The following ITSN2 variants were observed in gnomAD, a reference collection of about 807,000 sequenced individuals.
The protein encoded by ITSN2 is intersectin-2.
ITSN2 carries 156 observed loss-of-function variants against 243.7 expected under a neutral mutation model. That is an observed-to-expected ratio of 0.64 (90% confidence interval 0.56 to 0.73). The LOEUF is 0.73. ITSN2 is among the 30% of genes least tolerant of loss of function. The probability of loss-of-function intolerance (pLI) is 0.00; values close to 1 mark genes in which losing one functional copy is unlikely to be tolerated. For missense variants in ITSN2, 1,801 were observed against 1,996.1 expected, an observed-to-expected ratio of 0.90 and a Z score of 1.86; for synonymous variants, 703 against 699.9, an observed-to-expected ratio of 1.00 and a Z score of -0.07.
At chr2:24,213,959 T>A (rs1041249697) in intron 32 of ITSN2, among the ~76,000 whole-genome samples, 5 of 152,256 alleles carry the variant, frequency 3.3e-5, no homozygotes, top group African/African-American at 1.2e-4. Context: ...CTAATAGTAA[T>A]GTGTTGGTCT....
At chr2:24,306,764 T>C (rs1353126116) in intron 8 of ITSN2, among the ~76,000 whole-genome samples, 1 of 152,102 alleles carries the variant, frequency 6.6e-6, no homozygotes, top group Admixed American at 6.5e-5. Flanking sequence ...TCCTCCCAAG[T>C]AGTTGGGACT....
chr2:24,216,434 C>A (rs1669959635), intron 31 of ITSN2: 1 of 429,016 alleles, frequency 2.3e-6, no homozygotes, highest in Non-Finnish European at 4.1e-6. Context: ...GTGATGTCAG[C>A]AAAGAAAAAA....
chr2:24,351,561 A>C (rs772186182), intron 1 of ITSN2, among the ~76,000 whole-genome samples: 25 of 152,204 alleles, frequency 1.6e-4, no homozygotes, highest in Non-Finnish European at 3.1e-4. Flanking sequence ...CTGAAGTTTC[A>C]GTTACCTGTG....
At chr2:24,337,315 A>AATATATATATATATACATATAT (rs70944741) in intron 1 of ITSN2, among the ~76,000 whole-genome samples, 1,723 of 31,876 alleles carry the variant, frequency 0.054, 522 homozygotes, top group Non-Finnish European at 0.07. Context: ...GTATACACAA[A>AATATATATATATATACATATAT]ATATATATAT....
chr2:24,342,623 C>T (rs1015168847), intron 1 of ITSN2, among the ~76,000 whole-genome samples: 3 of 151,176 alleles, frequency 2.0e-5, no homozygotes, highest in Non-Finnish European at 2.9e-5. Context: ...GTTCCCATGA[C>T]TCAACCAGAT....
At chr2:24,252,064 A>G (rs1259176058) in intron 25 of ITSN2, among the ~76,000 whole-genome samples, 33 of 152,150 alleles carry the variant, frequency 2.2e-4, no homozygotes, top group Admixed American at 2.2e-3. Flanking sequence ...TCTACTTCCT[A>G]GCAGTTATCA....
chr2:24,328,260 G>A (rs1425760976), intron 1 of ITSN2, 145 bp from the exon 2 acceptor site: 1 of 575,554 alleles, frequency 1.7e-6, no homozygotes, highest in African/African-American at 1.9e-5. Context: ...CTGCTGAACA[G>A]GCAGAATTTA....
intron 30 of ITSN2, 103 bp downstream of exon 30, chr2:24,220,842 C>A: frequency 1.4e-6 from 2 of 1,468,200 alleles, no homozygotes; most frequent in Non-Finnish European, 1.8e-6. Context: ...AAAAGTGATG[C>A]CTTGCTTTGA....
intron 29 of ITSN2, among the ~76,000 whole-genome samples, chr2:24,226,096 C>T (rs1671003709): frequency 1.3e-5 from 2 of 152,146 alleles, no homozygotes; most frequent in Admixed American, 1.3e-4. Context: ...GACTGCAGAC[C>T]AGGGACTGTG....
In ITSN2 at chr2:24,251,093, G is replaced by A. The variant is rs189900309; in HGVS notation, c.3120+1252C>T. Among the ~76,000 whole-genome samples, 1,501 of 151,222 alleles carry A rather than the reference G, an allele frequency of 9.9e-3. 23 individuals are homozygous for A. Among genetic ancestry groups the A allele is most frequent in the African/African-American group, 0.034 (1,398 of 41,204 alleles). On this transcript the variant is annotated intron_variant, in intron 25 of 39. Transcript: ENST00000355123. ...TAATCCCAGCACTTTGGGAGGCTGAGGCAGGCAGATCACTTGAGGTTGGGA... is the reference window on the plus strand; with the variant it reads ...TAATCCCAGCACTTTGGGAGGCTGAAGCAGGCAGATCACTTGAGGTTGGGA...
chr2:24,288,330 C>T (rs949525955), intron 15 of ITSN2, among the ~76,000 whole-genome samples: 1 of 152,000 alleles, frequency 6.6e-6, no homozygotes, highest in African/African-American at 2.4e-5. Context: ...ACCATATACA[C>T]TTGGGTTTAT....
chr2:24,224,919 C>T (rs898287308), intron 29 of ITSN2, among the ~76,000 whole-genome samples: 1 of 152,188 alleles, frequency 6.6e-6, no homozygotes. Flanking sequence ...CGTGAGCCAC[C>T]ACGCCTGGCC....
chr2:24,356,609 C>G lies in ITSN2; in HGVS notation c.-34+3695G>C, dbSNP rs113418923. The stretch of plus-strand genomic sequence containing the variant: ...CTCAACATCACTGATCATCAGAGAA[C>G]TGCAAATCAAAACCACAATGATGGC... On this transcript the variant is annotated intron_variant, in intron 1 of 39. Coordinates refer to ENST00000355123, the MANE Select transcript of ITSN2 (RefSeq NM_006277.3). Among the ~76,000 whole-genome samples, 754 of 152,162 alleles carry G rather than the reference C, an allele frequency of 5.0e-3. 12 individuals are homozygous for G. Among genetic ancestry groups the G allele is most frequent in the African/African-American group, 0.018 (736 of 41,516 alleles).
intron 1 of ITSN2, among the ~76,000 whole-genome samples, chr2:24,353,525 T>C (rs1688197824): frequency 1.3e-5 from 2 of 152,116 alleles, no homozygotes; most frequent in Non-Finnish European, 2.9e-5. Flanking sequence ...TGAGCTGAGA[T>C]GGCAGTGAGC....
At chr2:24,311,294 A>G (rs1042450673) in intron 5 of ITSN2, among the ~76,000 whole-genome samples, 2 of 152,218 alleles carry the variant, frequency 1.3e-5, no homozygotes, top group African/African-American at 4.8e-5. Context: ...TATTAACTGC[A>G]GAATACTTAT....
rs1669444604 is a variant in ITSN2 at position 24,211,046 on chromosome 2, G to C, written c.4090-99C>G. 3 of 1,158,608 alleles carry C rather than the reference G, an allele frequency of 2.6e-6. No homozygotes were observed. The South Asian group carries it at 4.3e-5, about 16-fold the overall frequency. 71.8% of individuals were successfully genotyped at this position (1,158,608 alleles called of 1,614,324 possible). A position where few individuals can be genotyped will look rare whatever the true frequency, so the allele number is the denominator to read the frequency against. On this transcript the variant is annotated intron_variant, in intron 33 of 39. Coordinates refer to ENST00000355123, the MANE Select transcript of ITSN2 (RefSeq NM_006277.3). This position sits in a 1 kb window ranked among gnomAD's most constrained non-coding sequence, Gnocchi z 4.1. The stretch of plus-strand genomic sequence containing the variant: ...CTCCTCCAACCCCATGTTATGGACT[G>C]CTTCCATGCCCTGGAAACGCGGCGG...
At chr2:24,220,897 T>A (rs569016022) in intron 30 of ITSN2, 48 bp downstream of exon 30, 1 of 1,547,576 alleles carries the variant, frequency 6.5e-7, no homozygotes, top group African/African-American at 1.4e-5. Context: ...CCATCTCTCA[T>A]GAGAGACAGC....
chr2:24,279,712 G>A (rs1158289783), intron 17 of ITSN2, among the ~76,000 whole-genome samples: 1 of 147,402 alleles, frequency 6.8e-6, no homozygotes, highest in Non-Finnish European at 1.5e-5. Flanking sequence ...CACTGCTAAA[G>A]ATGTGTGAAT....
intron 9 of ITSN2, among the ~76,000 whole-genome samples, chr2:24,303,396 T>A (rs60716082): frequency 0.34 from 51,880 of 152,116 alleles, 9,298 homozygotes; most frequent in African/African-American, 0.42. Flanking sequence ...AAAGTTTAAA[T>A]AGTAAAAATA....
Sources: allele counts gnomAD v4.1 joint callset (sites outside exome capture counted in the v4.1 genomes callset), GRCh38; gene constraint gnomAD v4.1.1; non-coding constraint Gnocchi (gnomAD v3.1); transcripts MANE v1.5; gene names NCBI Gene and HGNC (gene_info 2026-07-23, HGNC 2026-07-21).